JAKMIP3: variants seen among roughly 807,000 people sequenced by gnomAD.
JAKMIP3 encodes the protein janus kinase and microtubule-interacting protein 3.
JAKMIP3 carries 58 observed loss-of-function variants against 118.5 expected under a neutral mutation model. That is an observed-to-expected ratio of 0.49 (90% confidence interval 0.40 to 0.61). The LOEUF is 0.61. Among genes scored for constraint, JAKMIP3 ranks in the 20% least tolerant of loss-of-function variants. JAKMIP3 has a pLI of 0.00. For missense variants in JAKMIP3, 950 were observed against 1,109.0 expected, an observed-to-expected ratio of 0.86 and a Z score of 2.04; for synonymous variants, 486 against 451.2, an observed-to-expected ratio of 1.08 and a Z score of -0.98.
intron 19 of JAKMIP3, among the ~76,000 whole-genome samples, chr10:132,162,956 C>T (rs975448982): frequency 2.6e-5 from 4 of 152,222 alleles, no homozygotes; most frequent in Non-Finnish European, 4.4e-5. Flanking sequence ...GCTCAGTCCT[C>T]CCCCACTCTG....
At chr10:132,104,538 C>T (rs531370151) in intron 1 of JAKMIP3, 134 bp from the exon 2 acceptor site, 15 of 454,552 alleles carry the variant, frequency 3.3e-5, no homozygotes, top group African/African-American at 7.8e-5. Flanking sequence ...CCCTGGCCTG[C>T]GTCGTCCAGG....
chr10:132,094,227 TA>T (rs552669310), intron 1 of JAKMIP3, among the ~76,000 whole-genome samples: 230 of 152,328 alleles, frequency 1.5e-3, no homozygotes, highest in African/African-American at 5.1e-3. Context: ...TTGGTTAACT[TA>T]ATAACTGACC....
intron 1 of JAKMIP3, among the ~76,000 whole-genome samples, chr10:132,099,109 T>C (rs2130891): frequency 0.62 from 94,195 of 151,858 alleles, 29,380 homozygotes; most frequent in East Asian, 0.71. Context: ...ACAGGTCTGA[T>C]TGACTTCTCG....
rs867229121 is a variant in JAKMIP3 at position 132,117,255 on chromosome 10, T to C, written c.314T>C (p.Val105Ala). The C allele has an allele frequency of 6.2e-7, 1 of 1,613,662 alleles. No homozygotes were observed. The highest frequency in any genetic ancestry group is 8.5e-7 in the Non-Finnish European group (1 of 1,179,864). ...LRQHEAELLR[V>A]IKIKDNENQR... is the part of the protein sequence containing the mutation. Reference sequence around the variant, plus strand: ...CAGCATGAGGCTGAGCTGCTCAGGGTCATCAAGATCAAGGACAACGAGAAC... The same window carrying C: ...CAGCATGAGGCTGAGCTGCTCAGGGCCATCAAGATCAAGGACAACGAGAAC... The change falls in exon 3 of 24, where the codon GTC becomes GCC. Residue 105 changes from valine (V) to alanine (A), a missense_variant. Coordinates refer to ENST00000684848, the MANE Select transcript of JAKMIP3 (RefSeq NM_001323087.2). The surrounding 1 kb of genome is among the most constrained non-coding windows in gnomAD (Gnocchi z 8.6).
chr10:132,159,425 C>CG (rs139195312), intron 19 of JAKMIP3, among the ~76,000 whole-genome samples: 6,374 of 77,422 alleles, frequency 0.082, 408 homozygotes, highest in Middle Eastern at 0.17. Context: ...CTGTGGATGC[C>CG]GGGGGTGTGT....
rs549882169 is a variant in JAKMIP3, at chr10:132,067,564, G to T, written c.-138+1503G>T. 1.8e-3 allele frequency among the ~76,000 whole-genome samples: 272 copies of T among 152,328 alleles called. 4 individuals carry two copies. Among genetic ancestry groups the T allele is most frequent in the African/African-American group, 6.4e-3 (265 of 41,562 alleles). ...CAAGAGAAGTAAGTGTCCTATACAT[G>T]TTCTTGGAAGGTTGATCTTGACTGT... is the stretch of plus-strand genomic sequence containing the variant. On this transcript the variant is annotated intron_variant, in intron 1 of 23. Transcript: ENST00000684848.
Position 132,153,022 on chromosome 10 carries a change from A to C in JAKMIP3, c.2072A>C (p.Lys691Thr). The change falls in exon 17 of 24, where the codon AAG becomes ACG. Residue 691 changes from lysine to threonine, a missense_variant and splice_region_variant. Physicochemically the swap from Lys to Thr is moderately conservative, Grantham distance 78. Transcript: ENST00000684848. ...QARTVLTLAE[K>T]WLQQIEETEA... ...AGGACAGTCCTGACCTTGGCCGAAAAGGTAACAGCAGCTGTGTGGACAGTC... is the reference window on the plus strand; with the variant it reads ...AGGACAGTCCTGACCTTGGCCGAAACGGTAACAGCAGCTGTGTGGACAGTC... 6.2e-7 allele frequency: 1 copy of C among 1,605,362 alleles called. No individual in the cohort carries two copies. The highest frequency in any genetic ancestry group is 8.5e-7 in the Non-Finnish European group (1 of 1,175,942).
At chr10:132,084,330 T>A (rs1432213097) in intron 1 of JAKMIP3, among the ~76,000 whole-genome samples, 2 of 152,254 alleles carry the variant, frequency 1.3e-5, no homozygotes, top group Non-Finnish European at 1.5e-5. Context: ...TTGATTTGAT[T>A]CTCAGCTTAG....
rs2044259214 is a variant in JAKMIP3 at position 132,098,004 on chromosome 10, CT to C, written c.-137-6667del. On this transcript the variant is annotated intron_variant, in intron 1 of 23. Transcript: ENST00000684848. ...CCTTCCCCTTCCCCTTCCCCTTCCC[CT>C]CCTTCCTTTTTTTTTTCTTTCTTCT... Among the ~76,000 whole-genome samples the C allele has an allele frequency of 4.1e-5, 2 of 49,192 alleles. 1 individual carries two copies. Among genetic ancestry groups the C allele is most frequent in the South Asian group, 1.8e-3 (2 of 1,118 alleles). The allele number at this position is 49,192 out of a possible 152,430, so 32.3% of individuals were successfully genotyped here.
intron 2 of JAKMIP3, among the ~76,000 whole-genome samples, chr10:132,115,444 G>A (rs1280673070): frequency 6.6e-6 from 1 of 152,200 alleles, no homozygotes; most frequent in East Asian, 1.9e-4. Context: ...GCACTCATCT[G>A]GGCCCTTCTA....
chr10:132,090,910 G>T (rs1307343130), intron 1 of JAKMIP3, among the ~76,000 whole-genome samples: 3 of 152,118 alleles, frequency 2.0e-5, no homozygotes, highest in African/African-American at 7.2e-5. Context: ...TTTCTTGTGG[G>T]CATTTAGTGC....
chr10:132,045,746 T>A (rs1024722963), intron 1 of JAKMIP3, among the ~76,000 whole-genome samples: 3 of 151,676 alleles, frequency 2.0e-5, no homozygotes, highest in Non-Finnish European at 4.4e-5. Context: ...TTGGACAATA[T>A]AGTAAGACCC....
At chr10:132,054,146 G>A (rs1186406408) in intron 1 of JAKMIP3, among the ~76,000 whole-genome samples, 1 of 152,096 alleles carries the variant, frequency 6.6e-6, no homozygotes, top group African/African-American at 2.4e-5. Flanking sequence ...GATGGACCAG[G>A]GGAACTTTGC....
At chr10:132,109,091 CACAT>C (rs1429875098) in intron 2 of JAKMIP3, among the ~76,000 whole-genome samples, 3 of 133,814 alleles carry the variant, frequency 2.2e-5, no homozygotes, top group Non-Finnish European at 4.7e-5. Context: ...TATATACACA[CACAT>C]ATATATATAC....
chr10:132,103,464 AG>A (rs2045396159), intron 1 of JAKMIP3, among the ~76,000 whole-genome samples: 1 of 15,878 alleles, frequency 6.3e-5, no homozygotes, highest in Non-Finnish European at 1.1e-4. Context: ...TGGGGGGGGG[AG>A]GAGCAGCTGG....
intron 19 of JAKMIP3, among the ~76,000 whole-genome samples, chr10:132,161,931 C>T (rs2058391402): frequency 2.3e-5 from 3 of 130,732 alleles, no homozygotes; most frequent in Middle Eastern, 4.1e-3. Flanking sequence ...CCTCTCTCTC[C>T]ACTTCCAACA....
At chr10:132,067,746 G>A (rs184440272) in intron 1 of JAKMIP3, among the ~76,000 whole-genome samples, 36 of 143,410 alleles carry the variant, frequency 2.5e-4, no homozygotes, top group African/African-American at 9.4e-4. Context: ...ATGTGGACTG[G>A]ACTGTGGGCT....
chr10:132,180,686 T>TGTGCGC (rs1554963205), intron 23 of JAKMIP3, among the ~76,000 whole-genome samples: 12 of 20,966 alleles, frequency 5.7e-4, no homozygotes, highest in Admixed American at 1.8e-3. Context: ...CGCGCGCGTG[T>TGTGCGC]GTGTGCGTGC....
At position 132,179,038 on chromosome 10, in the gene JAKMIP3, G is replaced by A. The variant is rs562568359; in HGVS notation, c.*1104-3319G>A. On this transcript the variant is annotated intron_variant, in intron 23 of 23. Coordinates refer to ENST00000684848, the MANE Select transcript of JAKMIP3 (RefSeq NM_001323087.2). The surrounding 1 kb of genome is among the most constrained non-coding windows in gnomAD (Gnocchi z 4.3). ...TCGTGCCCGTGGGGCTGGGGGCCCCGACCTGTGGAAACACCCTGTGTCAGC... is the reference window on the plus strand; with the variant it reads ...TCGTGCCCGTGGGGCTGGGGGCCCCAACCTGTGGAAACACCCTGTGTCAGC... Among the ~76,000 whole-genome samples, 3 of 152,306 alleles carry A rather than the reference G, an allele frequency of 2.0e-5. No individual in the cohort carries two copies. Among genetic ancestry groups the A allele is most frequent in the Admixed American group, 6.5e-5 (1 of 15,314 alleles).
Sources: gnomAD v4.1 joint callset for allele counts (sites outside exome capture counted in the v4.1 genomes callset) on GRCh38, gnomAD v4.1.1 for gene constraint, Gnocchi (gnomAD v3.1) non-coding constraint, MANE v1.5 for transcripts, NCBI Gene and HGNC (gene_info 2026-07-23, HGNC 2026-07-21) for gene names.